The following RALGAPB variants were observed in gnomAD, a reference collection of about 807,000 sequenced individuals.
The protein encoded by RALGAPB is ral GTPase-activating protein subunit beta.
In RALGAPB, 25 loss-of-function variants were observed where a neutral mutation model predicts 161.1. The observed-to-expected ratio is 0.16, with a 90% CI of 0.11 to 0.22. The LOEUF (loss-of-function observed/expected upper bound fraction) is 0.22. Among genes scored for constraint, RALGAPB ranks in the 10% least tolerant of loss-of-function variants. RALGAPB has a pLI of 1.00. For synonymous variants in RALGAPB, 629 were observed against 626.1 expected (o/e 1.00, Z -0.07); for missense variants, 1,391 against 1,815.2 (o/e 0.77, Z 4.25).
rs2086694738 is a variant in RALGAPB at position 38,532,780 on chromosome 20, T to C, written c.2166T>C (p.Ile722=). The C allele has an allele frequency of 6.2e-7, 1 of 1,613,784 alleles. No individual in the cohort carries two copies. The highest frequency in any genetic ancestry group is 8.5e-7 in the Non-Finnish European group (1 of 1,179,768). ...GTCATAGTCGCACCAATAGTGGTAT[T>C]AGTTCAGCAAGTGGTGGAAGCACGG... ...LKSHSRTNSG[I]SSASGGSTEP... The change falls in exon 15 of 30, where the codon ATT becomes ATC. Residue 722 remains isoleucine (I), a synonymous_variant. Coordinates refer to ENST00000262879, the MANE Select transcript of RALGAPB (RefSeq NM_020336.4).
intron 6 of RALGAPB, among the ~76,000 whole-genome samples, chr20:38,512,156 C>T (rs907798386): frequency 2.0e-5 from 3 of 152,140 alleles, no homozygotes; most frequent in Non-Finnish European, 4.4e-5. Context: ...GCTATTCTGT[C>T]TTCTAGATGG....
At chr20:38,519,549 T>C (rs1351228677) in intron 9 of RALGAPB, among the ~76,000 whole-genome samples, 5 of 152,180 alleles carry the variant, frequency 3.3e-5, no homozygotes, top group African/African-American at 1.2e-4. Flanking sequence ...CCAGGGAGTT[T>C]GTAACAGCTT....
At chr20:38,553,794 A>AC in intron 21 of RALGAPB, 73 bp from the exon 22 acceptor site, 2 of 887,940 alleles carry the variant, frequency 2.3e-6, no homozygotes, top group Admixed American at 3.0e-5. Flanking sequence ...AAAAAAAAAA[A>AC]AAAAAAACAC....
chr20:38,515,279 A>G (rs1021333464), intron 6 of RALGAPB, among the ~76,000 whole-genome samples: 4 of 152,210 alleles, frequency 2.6e-5, no homozygotes, highest in Admixed American at 2.6e-4. Flanking sequence ...GTTACTTGAA[A>G]TTAAGTCTTT....
chr20:38,527,443 T>C (rs2086507069), intron 13 of RALGAPB, among the ~76,000 whole-genome samples: 2 of 152,184 alleles, frequency 1.3e-5, no homozygotes, highest in Admixed American at 1.3e-4. Context: ...TTTTTTAGGG[T>C]TTCGTAAGTC....
intron 5 of RALGAPB, among the ~76,000 whole-genome samples, chr20:38,505,225 A>G (rs926665117): frequency 6.6e-6 from 1 of 152,226 alleles, no homozygotes; most frequent in African/African-American, 2.4e-5. Flanking sequence ...GCACATATGC[A>G]CCATGGAATA....
At chr20:38,515,544 C>T (rs2086099199) in intron 6 of RALGAPB, among the ~76,000 whole-genome samples, 1 of 151,988 alleles carries the variant, frequency 6.6e-6, no homozygotes, top group Admixed American at 6.5e-5. Context: ...CACAAATACA[C>T]CGTTTTGAAA....
intron 22 of RALGAPB, among the ~76,000 whole-genome samples, chr20:38,557,927 G>T (rs367914236): frequency 3.3e-5 from 5 of 152,174 alleles, no homozygotes; most frequent in East Asian, 1.9e-4. Context: ...ACTGTGTTTG[G>T]CTTTGTAAGA....
intron 4 of RALGAPB, among the ~76,000 whole-genome samples, chr20:38,499,045 A>G (rs997305647): frequency 1.3e-5 from 2 of 152,212 alleles, no homozygotes; most frequent in Non-Finnish European, 2.9e-5. Context: ...GGTATTACAG[A>G]TACCTACCCT....
chr20:38,550,836 A>G (rs1324442847), intron 20 of RALGAPB, among the ~76,000 whole-genome samples: 1 of 152,180 alleles, frequency 6.6e-6, no homozygotes, highest in Non-Finnish European at 1.5e-5. Context: ...TCCACAGCCC[A>G]TTTGTCAGTC....
At chr20:38,551,604 G>A (rs1179850430) in intron 21 of RALGAPB, among the ~76,000 whole-genome samples, 1 of 152,162 alleles carries the variant, frequency 6.6e-6, no homozygotes, top group Non-Finnish European at 1.5e-5. Context: ...ATGTATTGTG[G>A]AGGTAGATCC....
At chr20:38,562,320 G>A (rs2087812835) in intron 23 of RALGAPB, among the ~76,000 whole-genome samples, 1 of 152,224 alleles carries the variant, frequency 6.6e-6, no homozygotes, top group Non-Finnish European at 1.5e-5. Flanking sequence ...AACTGAGGCA[G>A]TGGGGTTAAG....
intron 24 of RALGAPB, among the ~76,000 whole-genome samples, chr20:38,563,622 T>C (rs995830196): frequency 6.6e-6 from 1 of 152,254 alleles, no homozygotes; most frequent in African/African-American, 2.4e-5. Context: ...GTGTTACCTC[T>C]CTAAAGTGGA....
At chr20:38,551,859 A>C (rs979593789) in intron 21 of RALGAPB, among the ~76,000 whole-genome samples, 26 of 152,182 alleles carry the variant, frequency 1.7e-4, no homozygotes, top group African/African-American at 5.6e-4. Context: ...AGGACATGAG[A>C]GAACAGAAGA....
intron 1 of RALGAPB, among the ~76,000 whole-genome samples, chr20:38,483,748 G>C (rs1013639722): frequency 3.3e-5 from 5 of 152,288 alleles, no homozygotes; most frequent in Admixed American, 3.3e-4. Flanking sequence ...CTGCCATGGT[G>C]CTATCCTGAG....
intron 1 of RALGAPB, among the ~76,000 whole-genome samples, chr20:38,487,569 T>G (rs1410190647): frequency 6.6e-6 from 1 of 152,160 alleles, no homozygotes; most frequent in African/African-American, 2.4e-5. Flanking sequence ...GGATGTATTT[T>G]TAAGAGGTGA....
In RALGAPB at chr20:38,488,470, A is replaced by G. The variant is rs1387300589; in HGVS notation, c.38A>G (p.Gln13Arg). Reference sequence around the variant, plus strand: ...TGGAGGTCACTGCATTTGGTGATTCAGAATGATCAAGGCCATACCAGTGTG... The same window carrying G: ...TGGAGGTCACTGCATTTGGTGATTCGGAATGATCAAGGCCATACCAGTGTG... The part of the protein sequence containing the change: ...SEWRSLHLVI[Q>R]NDQGHTSVLH... The change falls in exon 2 of 30, where the codon CAG becomes CGG. Residue 13 changes from glutamine to arginine, a missense_variant. Gln to Arg is a conservative substitution (Grantham distance 43, BLOSUM62 1). Coordinates refer to ENST00000262879, the MANE Select transcript of RALGAPB (RefSeq NM_020336.4). 1 of 1,614,040 alleles carries G rather than the reference A, an allele frequency of 6.2e-7. No individual in the cohort carries two copies. The highest frequency in any genetic ancestry group is 8.5e-7 in the Non-Finnish European group (1 of 1,180,032).
chr20:38,574,987 T>C lies in RALGAPB; in HGVS notation c.*20T>C, dbSNP rs2088384454. The C allele has an allele frequency of 6.4e-7, 1 of 1,573,174 alleles. No individual in the cohort carries two copies. ...TCTTAGACCACTGAATTTCTAAGAC[T>C]GTTGAACTCCAGTTTGGGAACTATA... On this transcript the variant is annotated 3_prime_UTR_variant, in exon 30 of 30. Transcript: ENST00000262879.
chr20:38,528,912 T>C (rs77299029), intron 13 of RALGAPB, among the ~76,000 whole-genome samples: 11,139 of 152,170 alleles, frequency 0.073, 1,426 homozygotes, highest in African/African-American at 0.25. Context: ...GAACTCCTGA[T>C]AGCAAATGAT....
Sources: allele counts gnomAD v4.1 joint callset (sites outside exome capture counted in the v4.1 genomes callset), GRCh38; gene constraint gnomAD v4.1.1; transcripts MANE v1.5; gene names NCBI Gene and HGNC (gene_info 2026-07-23, HGNC 2026-07-21).